Variants in TRHDE observed in about 807,000 individuals in gnomAD.
The protein encoded by TRHDE is thyrotropin releasing hormone degrading enzyme, also known as thyrotropin-releasing hormone-degrading ectoenzyme.
Under a neutral mutation model 125.7 loss-of-function variants are expected in TRHDE, and 72 were observed. The ratio of observed to expected loss-of-function variants is 0.57; its 90% CI spans 0.47 to 0.70. The LOEUF is 0.70. TRHDE is among the 30% of genes least tolerant of loss of function. The pLI is 0.00. For synonymous variants in TRHDE, 509 were observed against 509.1 expected, an observed-to-expected ratio of 1.00 and a Z score of 0.00; for missense variants, 1,110 against 1,327.1, an observed-to-expected ratio of 0.84 and a Z score of 2.54.
At chr12:72,589,048 C>T (rs1397274619) in intron 12 of TRHDE, among the ~76,000 whole-genome samples, 3 of 152,246 alleles carry the variant, frequency 2.0e-5, no homozygotes, top group Admixed American at 1.3e-4. Context: ...TTCTCCCACA[C>T]GTGGGGATCA....
At chr12:72,247,182 C>A (rs1878590616) in intron 2 of TRHDE, among the ~76,000 whole-genome samples, 1 of 151,966 alleles carries the variant, frequency 6.6e-6, no homozygotes, top group African/African-American at 2.4e-5. Context: ...ACTTACAATA[C>A]CTAATACAAT....
At chr12:72,650,107 A>T (rs1009365717) in intron 15 of TRHDE, among the ~76,000 whole-genome samples, 2 of 152,150 alleles carry the variant, frequency 1.3e-5, no homozygotes, top group Non-Finnish European at 2.9e-5. Context: ...TAGTCACATT[A>T]GCCATGATGT....
rs554405776 is a variant in TRHDE at position 72,578,440 on chromosome 12, T to C, written c.2321+2898T>C. On this transcript the variant is annotated intron_variant, in intron 12 of 18. Transcript: ENST00000261180. ...TCCTCATTCCCCTTGACTGTTGAGA[T>C]TATTATCATACATTGAAAAAATGTA... Among the ~76,000 whole-genome samples the C allele has an allele frequency of 2.6e-5, 4 of 152,234 alleles. No homozygotes were observed. In the East Asian group the frequency reaches 7.7e-4, roughly 29 times the overall value.
chr12:72,494,502 T>C (rs974865953), intron 5 of TRHDE, among the ~76,000 whole-genome samples: 3 of 152,048 alleles, frequency 2.0e-5, no homozygotes, highest in African/African-American at 4.8e-5. Context: ...TTGGTTGTTT[T>C]TTTTGGTGAC....
intron 2 of TRHDE, among the ~76,000 whole-genome samples, chr12:72,368,679 C>T (rs1341850581): frequency 6.6e-6 from 1 of 152,062 alleles, no homozygotes; most frequent in African/African-American, 2.4e-5. Flanking sequence ...GTGACCTGAC[C>T]CTTAATAGAC....
chr12:72,631,231 A>G (rs892415325), intron 15 of TRHDE, among the ~76,000 whole-genome samples: 1 of 151,650 alleles, frequency 6.6e-6, no homozygotes, highest in Non-Finnish European at 1.5e-5. Context: ...AAATATTTCA[A>G]TTTTTCACAA....
At chr12:72,132,148 T>C (rs932041191) in intron 2 of TRHDE, among the ~76,000 whole-genome samples, 4 of 152,196 alleles carry the variant, frequency 2.6e-5, no homozygotes, top group Admixed American at 2.0e-4. Flanking sequence ...TTGTAACTTT[T>C]GGAGTTTGCA....
chr12:72,552,407 G>T (rs1472325045), intron 7 of TRHDE, among the ~76,000 whole-genome samples: 1 of 152,162 alleles, frequency 6.6e-6, no homozygotes, highest in Non-Finnish European at 1.5e-5. Context: ...ATGAGGAAGA[G>T]AATGTAATCA....
intron 2 of TRHDE, among the ~76,000 whole-genome samples, chr12:72,114,112 A>T (rs975643060): frequency 1.3e-5 from 2 of 150,610 alleles, no homozygotes; most frequent in African/African-American, 2.4e-5. Flanking sequence ...ATATCCTCTT[A>T]TTTCTGAGTT....
At chr12:72,450,122 G>A (rs967941295) in intron 3 of TRHDE, among the ~76,000 whole-genome samples, 1 of 152,054 alleles carries the variant, frequency 6.6e-6, no homozygotes, top group Non-Finnish European at 1.5e-5. Context: ...TCAGATAGGA[G>A]GAATAAGTTC....
chr12:72,491,308 C>G (rs759135283), intron 5 of TRHDE, among the ~76,000 whole-genome samples: 1 of 151,726 alleles, frequency 6.6e-6, no homozygotes, highest in Non-Finnish European at 1.5e-5. Flanking sequence ...ACAACCTGTT[C>G]GTAATTATTA....
At chr12:72,300,046 C>G (rs192953297) in intron 2 of TRHDE, among the ~76,000 whole-genome samples, 1 of 152,034 alleles carries the variant, frequency 6.6e-6, no homozygotes, top group African/African-American at 2.4e-5. Flanking sequence ...TAAGAAACAC[C>G]TTTTTTAGTT....
At chr12:72,159,142 C>G (rs1404157782) in intron 2 of TRHDE, among the ~76,000 whole-genome samples, 1 of 152,202 alleles carries the variant, frequency 6.6e-6, no homozygotes, top group Non-Finnish European at 1.5e-5. Flanking sequence ...GTACCAATCA[C>G]TAGCAAATGC....
At chr12:72,420,215 G>T (rs1482745148) in intron 3 of TRHDE, among the ~76,000 whole-genome samples, 1 of 152,128 alleles carries the variant, frequency 6.6e-6, no homozygotes, top group Non-Finnish European at 1.5e-5. Context: ...GCAGTTGATC[G>T]TCTCTAGTTT....
At chr12:72,216,968 G>GT (rs35842638) in intron 2 of TRHDE, among the ~76,000 whole-genome samples, 46 of 148,480 alleles carry the variant, frequency 3.1e-4, no homozygotes, top group South Asian at 1.1e-3. Flanking sequence ...GGTAATGCTA[G>GT]TTTTTTTTTT....
chr12:72,635,315 T>A (rs1873688497), intron 15 of TRHDE, among the ~76,000 whole-genome samples: 1 of 152,248 alleles, frequency 6.6e-6, no homozygotes, highest in African/African-American at 2.4e-5. Context: ...GAGAAGTGTC[T>A]GTTCATGTCC....
At chr12:72,302,949 T>C (rs770538867) in intron 2 of TRHDE, among the ~76,000 whole-genome samples, 48 of 152,174 alleles carry the variant, frequency 3.2e-4, no homozygotes, top group Non-Finnish European at 6.8e-4. Context: ...GCACATCCGA[T>C]GTGACAACTG....
upstream of TRHDE, chr12:72,272,357 C>T: frequency 8.2e-6 from 3 of 365,672 alleles, no homozygotes; most frequent in South Asian, 4.2e-5. This position sits in a 1 kb window ranked among gnomAD's most constrained non-coding sequence, Gnocchi z 6.7. Flanking sequence ...GCCCCGCCGC[C>T]GGGTGCTCGT....
At chr12:72,323,341 T>C (rs1254194461) in intron 2 of TRHDE, among the ~76,000 whole-genome samples, 1 of 152,120 alleles carries the variant, frequency 6.6e-6, no homozygotes, top group African/African-American at 2.4e-5. Context: ...TAACTACACA[T>C]AACCCTCCTC....
Sources: gnomAD v4.1 joint callset for allele counts (sites outside exome capture counted in the v4.1 genomes callset) on GRCh38, gnomAD v4.1.1 for gene constraint, Gnocchi (gnomAD v3.1) non-coding constraint, MANE v1.5 for transcripts, NCBI Gene and HGNC (gene_info 2026-07-23, HGNC 2026-07-21) for gene names.